The following ARHGAP15 variants were observed in gnomAD, a reference collection of about 807,000 sequenced individuals.
The protein encoded by ARHGAP15 is Rho GTPase activating protein 15, also known as rho GTPase-activating protein 15.
Under a neutral mutation model 63.7 loss-of-function variants are expected in ARHGAP15, and 51 were observed. That is an observed-to-expected ratio of 0.80 (90% CI 0.64 to 1.01). The LOEUF (loss-of-function observed/expected upper bound fraction) is 1.01, where lower values mean the gene tolerates loss of function less well. Ranked by LOEUF, ARHGAP15 falls within the 50% of genes least tolerant of loss-of-function variation. The pLI, the probability that ARHGAP15 is intolerant of heterozygous loss-of-function variation, is 0.00. For missense variants in ARHGAP15, 560 were observed against 564.6 expected (o/e 0.99, Z 0.08); for synonymous variants, 191 against 193.8 (o/e 0.99, Z 0.12).
At chr2:143,635,966 A>G (rs912867861) in intron 12 of ARHGAP15, among the ~76,000 whole-genome samples, 1 of 152,152 alleles carries the variant, frequency 6.6e-6, no homozygotes, top group African/African-American at 2.4e-5. Context: ...ATTTAATTAC[A>G]TATAACACCT....
intron 4 of ARHGAP15, among the ~76,000 whole-genome samples, chr2:143,226,875 A>G (rs1325063120): frequency 6.6e-6 from 1 of 152,202 alleles, no homozygotes; most frequent in Admixed American, 6.5e-5. Flanking sequence ...CTTTTTGTAA[A>G]TATTAACCTT....
chr2:143,158,269 G>A (rs946405662), intron 2 of ARHGAP15, among the ~76,000 whole-genome samples: 3 of 151,664 alleles, frequency 2.0e-5, no homozygotes, highest in Non-Finnish European at 1.5e-5. Flanking sequence ...TCTTAACTTA[G>A]AACACAATAC....
intron 8 of ARHGAP15, among the ~76,000 whole-genome samples, chr2:143,459,450 G>A (rs1690821771): frequency 6.6e-6 from 1 of 151,896 alleles, no homozygotes; most frequent in South Asian, 2.1e-4. Context: ...TAAGAAAGTG[G>A]CATATTAATA....
At chr2:143,493,101 T>C (rs537583515) in intron 9 of ARHGAP15, among the ~76,000 whole-genome samples, 1 of 152,068 alleles carries the variant, frequency 6.6e-6, no homozygotes, top group Non-Finnish European at 1.5e-5. Flanking sequence ...TCTATCAACA[T>C]TCATACTATT....
intron 12 of ARHGAP15, among the ~76,000 whole-genome samples, chr2:143,679,284 A>C (rs1682980277): frequency 1.3e-5 from 2 of 152,232 alleles, no homozygotes; most frequent in African/African-American, 4.8e-5. Flanking sequence ...GGGCTACATT[A>C]CATTTGAACC....
chr2:143,581,622 CTTGTTACCTTTACCT>C (rs1696911650), intron 11 of ARHGAP15, among the ~76,000 whole-genome samples: 1 of 152,130 alleles, frequency 6.6e-6, no homozygotes, highest in African/African-American at 2.4e-5. Flanking sequence ...GTAGGGAGGG[CTTGTTACCTTTACCT>C]CTACTGCCTG....
At chr2:143,403,703 G>C in intron 6 of ARHGAP15, among the ~76,000 whole-genome samples, 1 of 151,978 alleles carries the variant, frequency 6.6e-6, no homozygotes, top group East Asian at 1.9e-4. Flanking sequence ...GCAGTCAAGG[G>C]AAGAGTGCAT....
At chr2:143,426,359 T>G (rs1041753121) in intron 6 of ARHGAP15, among the ~76,000 whole-genome samples, 1 of 152,112 alleles carries the variant, frequency 6.6e-6, no homozygotes, top group Non-Finnish European at 1.5e-5. Context: ...TCCCAGAAGC[T>G]TTAGCATCCT....
intron 6 of ARHGAP15, among the ~76,000 whole-genome samples, chr2:143,318,469 A>G (rs973400357): frequency 7.3e-6 from 1 of 136,258 alleles, no homozygotes; most frequent in African/African-American, 2.8e-5. Context: ...GGAGTTTATT[A>G]TCTTAGAAAA....
chr2:143,288,110 G>C (rs986980712), intron 6 of ARHGAP15, among the ~76,000 whole-genome samples: 1 of 152,182 alleles, frequency 6.6e-6, no homozygotes, highest in African/African-American at 2.4e-5. Context: ...CAGGACCAGT[G>C]CAAGCCCATA....
intron 4 of ARHGAP15, among the ~76,000 whole-genome samples, chr2:143,218,446 T>G (rs929648798): frequency 3.3e-5 from 5 of 152,098 alleles, no homozygotes; most frequent in Non-Finnish European, 7.4e-5. Flanking sequence ...CAATCCCTTG[T>G]AGACCTTCAT....
chr2:143,446,814 T>G (rs552800547), intron 8 of ARHGAP15, among the ~76,000 whole-genome samples: 5 of 130,816 alleles, frequency 3.8e-5, no homozygotes, highest in African/African-American at 1.4e-4. Context: ...GACTGTGATG[T>G]TCCCCTTCCT....
chr2:143,605,309 A>G (rs1574696681), intron 11 of ARHGAP15, among the ~76,000 whole-genome samples: 10 of 152,098 alleles, frequency 6.6e-5, no homozygotes, highest in Admixed American at 6.5e-4. Context: ...TGGAGCTCTG[A>G]CTCTAAGCTC....
At chr2:143,739,158 G>A (rs1051374915) in intron 13 of ARHGAP15, among the ~76,000 whole-genome samples, 2 of 152,118 alleles carry the variant, frequency 1.3e-5, no homozygotes, top group Non-Finnish European at 2.9e-5. Context: ...AAGGCTCTGT[G>A]ACCTGTGCTT....
chr2:143,377,205 C>CTTACT (rs1686853539), intron 6 of ARHGAP15, among the ~76,000 whole-genome samples: 1 of 151,948 alleles, frequency 6.6e-6, no homozygotes, highest in African/African-American at 2.4e-5. Flanking sequence ...CCAGCCAATA[C>CTTACT]TTACCAAATG....
At chr2:143,754,546 A>G (rs1393765716) in intron 13 of ARHGAP15, among the ~76,000 whole-genome samples, 3 of 152,166 alleles carry the variant, frequency 2.0e-5, no homozygotes, top group African/African-American at 7.2e-5. Flanking sequence ...TGCTCCTGAT[A>G]TACTAGGTGT....
At chr2:143,249,406 C>A in intron 5 of ARHGAP15, among the ~76,000 whole-genome samples, 1 of 152,046 alleles carries the variant, frequency 6.6e-6, no homozygotes, top group Non-Finnish European at 1.5e-5. Flanking sequence ...CAAACATGGA[C>A]AGAATATGTT....
chr2:143,656,716 G>A (rs747548602), intron 12 of ARHGAP15, among the ~76,000 whole-genome samples: 7 of 152,150 alleles, frequency 4.6e-5, no homozygotes, highest in Non-Finnish European at 7.4e-5. Context: ...ACGGAAAAGT[G>A]CTTTCTAAAA....
chr2:143,316,937 AC>A (rs1489347313), intron 6 of ARHGAP15, among the ~76,000 whole-genome samples: 5 of 152,144 alleles, frequency 3.3e-5, no homozygotes, highest in Non-Finnish European at 7.4e-5. Flanking sequence ...TCAAAATTGA[AC>A]TTACGTAGTT....
Sources: gnomAD v4.1 joint callset for allele counts (sites outside exome capture counted in the v4.1 genomes callset) on GRCh38, gnomAD v4.1.1 for gene constraint, MANE v1.5 for transcripts, NCBI Gene and HGNC (gene_info 2026-07-23, HGNC 2026-07-21) for gene names.